ERBIN: variants seen among roughly 807,000 people sequenced by gnomAD.
The protein encoded by ERBIN is densin-180-like protein.
In ERBIN, 60 loss-of-function variants were observed where a neutral mutation model predicts 158.4. The observed-to-expected ratio is 0.38, with a 90% confidence interval of 0.31 to 0.47. The LOEUF (loss-of-function observed/expected upper bound fraction) is 0.47, where lower values mean the gene tolerates loss of function less well. Ranked by LOEUF, ERBIN falls within the 20% of genes least tolerant of loss-of-function variation. The pLI is 0.99. For synonymous variants in ERBIN, 594 were observed against 557.2 expected (o/e 1.07, Z -0.93); for missense variants, 1,610 against 1,648.0 (o/e 0.98, Z 0.40).
At chr5:65,975,327 A>G (rs1458783910) in intron 1 of ERBIN, among the ~76,000 whole-genome samples, 1 of 151,400 alleles carries the variant, frequency 6.6e-6, no homozygotes, top group South Asian at 2.1e-4. Flanking sequence ...AATTTTTGCA[A>G]TGGAGTCTCA....
intron 22 of ERBIN, among the ~76,000 whole-genome samples, chr5:66,073,700 G>A (rs758173694): frequency 1.3e-5 from 2 of 151,996 alleles, no homozygotes; most frequent in Non-Finnish European, 2.9e-5. Context: ...TTTTCTATTT[G>A]GGTTAATTTA....
intron 4 of ERBIN, among the ~76,000 whole-genome samples, chr5:66,008,540 G>A (rs1366124004): frequency 6.6e-6 from 1 of 152,096 alleles, no homozygotes; most frequent in East Asian, 1.9e-4. Context: ...CACAATATTT[G>A]TAATTTAAAG....
chr5:65,975,408 C>T (rs190407995), intron 1 of ERBIN, among the ~76,000 whole-genome samples: 5 of 152,258 alleles, frequency 3.3e-5, no homozygotes, highest in East Asian at 3.9e-4. Flanking sequence ...CAGGTTCAAG[C>T]GATTGTCTTG....
At chr5:66,021,763 A>C (rs1755713519) in intron 8 of ERBIN, among the ~76,000 whole-genome samples, 1 of 152,156 alleles carries the variant, frequency 6.6e-6, no homozygotes. Flanking sequence ...ATTCAGTAAT[A>C]AGATACTTCT....
chr5:66,059,785 A>G (rs914327184), intron 21 of ERBIN, among the ~76,000 whole-genome samples: 4 of 152,172 alleles, frequency 2.6e-5, no homozygotes, highest in Non-Finnish European at 4.4e-5. Flanking sequence ...TTCTGCACCT[A>G]TTGAGATAAT....
At chr5:65,974,793 A>G (rs1488500409) in intron 1 of ERBIN, among the ~76,000 whole-genome samples, 1 of 152,236 alleles carries the variant, frequency 6.6e-6, no homozygotes, top group Non-Finnish European at 1.5e-5. Flanking sequence ...AAGCCAAGAT[A>G]TATGTTCTTT....
At chr5:65,975,555 T>C (rs1449879556) in intron 1 of ERBIN, among the ~76,000 whole-genome samples, 1 of 152,132 alleles carries the variant, frequency 6.6e-6, no homozygotes, top group Non-Finnish European at 1.5e-5. Flanking sequence ...ATCCACCTGC[T>C]TTGGTCTCCC....
chr5:66,062,480 G>GAA (rs1760512918), intron 21 of ERBIN, among the ~76,000 whole-genome samples: 2 of 152,034 alleles, frequency 1.3e-5, no homozygotes, highest in African/African-American at 4.8e-5. Context: ...CTTTGCCATT[G>GAA]GTTTGAACTT....
chr5:65,968,091 T>G (rs182154310), intron 1 of ERBIN, among the ~76,000 whole-genome samples: 15 of 152,372 alleles, frequency 9.8e-5, no homozygotes, highest in African/African-American at 3.4e-4. Flanking sequence ...AGACCAGCTC[T>G]TATTCCAATG....
At chr5:65,993,512 TTTC>T (rs551297482) in intron 3 of ERBIN, among the ~76,000 whole-genome samples, 304 of 152,304 alleles carry the variant, frequency 2.0e-3, no homozygotes, top group African/African-American at 6.7e-3. Context: ...CAGTGTACTT[TTTC>T]TTCTTAAATC....
intron 1 of ERBIN, among the ~76,000 whole-genome samples, chr5:65,947,405 T>TG (rs1745906373): frequency 6.6e-6 from 1 of 152,168 alleles, no homozygotes; most frequent in South Asian, 2.1e-4. Flanking sequence ...AATTTTTGTA[T>TG]TTTCAGTAGA....
chr5:66,057,605 G>T (rs1759746035), intron 21 of ERBIN, among the ~76,000 whole-genome samples: 1 of 151,866 alleles, frequency 6.6e-6, no homozygotes, highest in South Asian at 2.1e-4. Flanking sequence ...CAACGTGCAG[G>T]TTTGTTTCAT....
chr5:65,991,757 T>C (rs1263834047), intron 2 of ERBIN, among the ~76,000 whole-genome samples: 2 of 152,218 alleles, frequency 1.3e-5, no homozygotes, highest in Non-Finnish European at 2.9e-5. Context: ...AATTCAGAAT[T>C]GGCCTTTTCC....
At chr5:65,975,551 C>G (rs1228896776) in intron 1 of ERBIN, among the ~76,000 whole-genome samples, 7 of 152,234 alleles carry the variant, frequency 4.6e-5, no homozygotes, top group Admixed American at 4.6e-4. Flanking sequence ...AGTGATCCAC[C>G]TGCTTTGGTC....
intron 7 of ERBIN, among the ~76,000 whole-genome samples, chr5:66,018,070 A>G (rs193302463): frequency 5.9e-5 from 9 of 152,100 alleles, no homozygotes; most frequent in African/African-American, 1.7e-4. Flanking sequence ...TGTTTTGATT[A>G]CTATGGCTTT....
intron 21 of ERBIN, among the ~76,000 whole-genome samples, chr5:66,069,244 T>A (rs1019744360): frequency 2.6e-5 from 4 of 152,192 alleles, no homozygotes; most frequent in African/African-American, 9.6e-5. Context: ...CAGCCCTTGT[T>A]TATGCAAAAA....
intron 1 of ERBIN, among the ~76,000 whole-genome samples, chr5:65,964,795 T>C (rs948175865): frequency 7.1e-6 from 1 of 140,740 alleles, no homozygotes; most frequent in Non-Finnish European, 1.5e-5. Flanking sequence ...CAGACTAGAG[T>C]GCAGTGGTAC....
intron 1 of ERBIN, among the ~76,000 whole-genome samples, chr5:65,977,803 G>A (rs1218356169): frequency 1.3e-5 from 2 of 152,228 alleles, no homozygotes; most frequent in African/African-American, 4.8e-5. Context: ...GGCCAAGGCA[G>A]GCGGCTGGGA....
intron 14 of ERBIN, among the ~76,000 whole-genome samples, chr5:66,033,459 CAAGTTAAGAGTGAAGAAGGAA>C (rs1757095367): frequency 6.6e-6 from 1 of 152,104 alleles, no homozygotes; most frequent in Non-Finnish European, 1.5e-5. Flanking sequence ...ATGATGGACT[CAAGTTAAGAGTGAAGAAGGAA>C]GAGTTAAGAC....
Sources: gnomAD v4.1 joint callset for allele counts (sites outside exome capture counted in the v4.1 genomes callset) on GRCh38, gnomAD v4.1.1 for gene constraint, MANE v1.5 for transcripts, NCBI Gene and HGNC (gene_info 2026-07-23, HGNC 2026-07-21) for gene names.